SEMA3E: variants seen among roughly 807,000 people sequenced by gnomAD.
The protein encoded by SEMA3E is semaphorin 3E, also known as semaphorin-3E.
Under a neutral mutation model 93.6 loss-of-function variants are expected in SEMA3E, and 49 were observed. The observed-to-expected ratio is 0.52, with a 90% CI of 0.42 to 0.66. The LOEUF is 0.66. Ranked by LOEUF, SEMA3E falls within the 30% of genes least tolerant of loss-of-function variation. The pLI, the probability that SEMA3E is intolerant of heterozygous loss-of-function variation, is 0.00. For missense variants in SEMA3E, 906 were observed against 964.8 expected, an observed-to-expected ratio of 0.94 and a Z score of 0.81; for synonymous variants, 363 against 330.7, an observed-to-expected ratio of 1.10 and a Z score of -1.06.
intron 1 of SEMA3E, among the ~76,000 whole-genome samples, chr7:83,577,255 C>G (rs945910926): frequency 3.3e-5 from 5 of 152,180 alleles, no homozygotes; most frequent in Admixed American, 2.6e-4. Flanking sequence ...TTGATCTATA[C>G]TGCTCCTTTT....
Position 83,490,290 on chromosome 7 carries a change from A to C in SEMA3E, c.116-16T>G. On this transcript the variant is annotated splice_polypyrimidine_tract_variant and intron_variant, in intron 1 of 16. Transcript: ENST00000643230. ...TTCAAGAGCTCTGAAATGCAAAGTG[A>C]TACATACACTAAGCACACGAGAAAA... The C allele has an allele frequency of 1.2e-6, 2 of 1,609,986 alleles. No homozygotes were observed. The highest frequency in any genetic ancestry group is 1.7e-6 in the Non-Finnish European group (2 of 1,178,730).
Position 83,560,957 on chromosome 7 carries a change from T to TA in SEMA3E, c.116-70684dup, listed in dbSNP as rs1417192228. Among the ~76,000 whole-genome samples, 6 of 152,116 alleles carry TA rather than the reference T, an allele frequency of 3.9e-5. No individual in the cohort carries two copies. The South Asian group carries it at 1.2e-3, about 31-fold the overall frequency. The stretch of plus-strand genomic sequence containing the variant: ...TAACACTGCTTTCCAAAGCATAGTT[T>TA]AAAAAAATCATAAACTATGATTCAA... On this transcript the variant is annotated intron_variant, in intron 1 of 16. Transcript: ENST00000643230.
chr7:83,550,133 C>A (rs556127379), intron 1 of SEMA3E, among the ~76,000 whole-genome samples: 15 of 152,200 alleles, frequency 9.9e-5, no homozygotes, highest in African/African-American at 3.6e-4. Flanking sequence ...TGTCTTCATT[C>A]ATCTAATCTG....
intron 1 of SEMA3E, among the ~76,000 whole-genome samples, chr7:83,497,556 T>C (rs1408301223): frequency 6.6e-6 from 1 of 152,214 alleles, no homozygotes; most frequent in Non-Finnish European, 1.5e-5. Context: ...AACTTTGTAA[T>C]GGTTCAAAAG....
At chr7:83,619,951 C>T (rs1174671085) in intron 1 of SEMA3E, among the ~76,000 whole-genome samples, 1 of 127,524 alleles carries the variant, frequency 7.8e-6, no homozygotes, top group African/African-American at 2.9e-5. Flanking sequence ...AGATGCAAAA[C>T]CATGTTTGCT....
chr7:83,588,350 C>T (rs1470482509), intron 1 of SEMA3E, among the ~76,000 whole-genome samples: 2 of 151,844 alleles, frequency 1.3e-5, no homozygotes, highest in African/African-American at 4.8e-5. Context: ...CACTGCACTC[C>T]AGCCTGGTGG....
intron 1 of SEMA3E, among the ~76,000 whole-genome samples, chr7:83,558,783 A>G (rs1159164471): frequency 6.6e-6 from 1 of 152,100 alleles, no homozygotes; most frequent in African/African-American, 2.4e-5. Context: ...TGTTATTAGG[A>G]ATAACTAATA....
At chr7:83,464,366 T>C (rs536997503) in intron 4 of SEMA3E, among the ~76,000 whole-genome samples, 2 of 150,608 alleles carry the variant, frequency 1.3e-5, no homozygotes, top group South Asian at 4.3e-4. Context: ...CAGACCAACT[T>C]AGACTGTGCC....
At chr7:83,425,444 C>G (rs374942542) in intron 4 of SEMA3E, among the ~76,000 whole-genome samples, 2 of 152,086 alleles carry the variant, frequency 1.3e-5, no homozygotes, top group African/African-American at 4.8e-5. Context: ...GATTTTAACA[C>G]CAGCCTCCTG....
At chr7:83,544,320 T>C (rs1375638130) in intron 1 of SEMA3E, among the ~76,000 whole-genome samples, 1 of 152,084 alleles carries the variant, frequency 6.6e-6, no homozygotes, top group Non-Finnish European at 1.5e-5. Flanking sequence ...TTATATCAAA[T>C]AATAATGTTG....
chr7:83,594,443 G>C (rs1792824807), intron 1 of SEMA3E, among the ~76,000 whole-genome samples: 1 of 152,080 alleles, frequency 6.6e-6, no homozygotes, highest in Admixed American at 6.6e-5. Context: ...AGTGGAAAAG[G>C]ATCAGACTAA....
At position 83,369,381 on chromosome 7, in the gene SEMA3E, G is replaced by A. The variant is rs1293938569; in HGVS notation, c.1876-1343C>T. ...TGTGATTACTCAGGTGTAGAAACTG[G>A]TATCCACAAACCACGATTTGTGGAA... On this transcript the variant is annotated intron_variant, in intron 16 of 16. Transcript: ENST00000643230. 2.0e-5 allele frequency among the ~76,000 whole-genome samples: 3 copies of A among 152,124 alleles called. 1 individual carries two copies. The highest frequency in any genetic ancestry group is 4.4e-5 in the Non-Finnish European group (3 of 68,016).
chr7:83,521,197 C>G (rs111673463), intron 1 of SEMA3E, among the ~76,000 whole-genome samples: 1,733 of 151,854 alleles, frequency 0.011, 25 homozygotes, highest in African/African-American at 0.04. Flanking sequence ...AAATCACAGT[C>G]TTTCCTGCAG....
chr7:83,645,022 T>C (rs1794061438), intron 1 of SEMA3E, among the ~76,000 whole-genome samples: 1 of 151,966 alleles, frequency 6.6e-6, no homozygotes, highest in Non-Finnish European at 1.5e-5. Context: ...TTCTGGGGCT[T>C]TCCATGTACA....
rs573011074 is a variant in SEMA3E at position 83,528,117 on chromosome 7, A to AAGGGCATTAT, written c.116-37844_116-37843insATAATGCCCT. On this transcript the variant is annotated intron_variant, in intron 1 of 16. Transcript: ENST00000643230. ...CTATAATGCCCTTTTTGGTAGGAAA[A>AAGGGCATTAT]AGTAACTGTCATCTAAGTTAGCCTA... is the stretch of plus-strand genomic sequence containing the variant. 1.6e-3 allele frequency among the ~76,000 whole-genome samples: 243 copies of AAGGGCATTAT among 152,126 alleles called. No individual in the cohort carries two copies. In the East Asian group the frequency reaches 0.042, roughly 26 times the overall value.
intron 12 of SEMA3E, among the ~76,000 whole-genome samples, chr7:83,395,458 A>G (rs975937320): frequency 6.6e-6 from 1 of 152,196 alleles, no homozygotes; most frequent in African/African-American, 2.4e-5. Context: ...TGCTAAAATT[A>G]GTTGCAACCC....
chr7:83,437,884 T>C (rs921313429), intron 4 of SEMA3E, among the ~76,000 whole-genome samples: 1 of 152,126 alleles, frequency 6.6e-6, no homozygotes, highest in African/African-American at 2.4e-5. Flanking sequence ...CTTGAAGAGA[T>C]ACCTACTGGG....
chr7:83,613,096 A>C (rs775710632), intron 1 of SEMA3E, among the ~76,000 whole-genome samples: 2 of 152,102 alleles, frequency 1.3e-5, no homozygotes, highest in Non-Finnish European at 2.9e-5. Context: ...TGGAGATGGT[A>C]CAACAAAAGC....
chr7:83,450,888 A>G (rs2115819072), intron 4 of SEMA3E, among the ~76,000 whole-genome samples: 1 of 152,308 alleles, frequency 6.6e-6, no homozygotes, highest in South Asian at 2.1e-4. Flanking sequence ...AATCTATATA[A>G]TTAAAGAAAA....
Sources: gnomAD v4.1 joint callset for allele counts (sites outside exome capture counted in the v4.1 genomes callset) on GRCh38, gnomAD v4.1.1 for gene constraint, MANE v1.5 for transcripts, NCBI Gene and HGNC (gene_info 2026-07-23, HGNC 2026-07-21) for gene names.